The following RANBP10 variants were observed in gnomAD, a reference collection of about 807,000 sequenced individuals.
RANBP10 encodes ran-binding protein 10.
In RANBP10, 24 loss-of-function variants were observed where a neutral mutation model predicts 72.8. The observed-to-expected ratio is 0.33, with a 90% CI of 0.24 to 0.46. The LOEUF (loss-of-function observed/expected upper bound fraction) is 0.46. RANBP10 is among the 20% of genes least tolerant of loss of function. The pLI is 1.00. For missense variants in RANBP10, 679 were observed against 817.5 expected (o/e 0.83, Z 2.07); for synonymous variants, 310 against 322.3 (o/e 0.96, Z 0.41).
chr16:67,768,864 T>C (rs949432563), intron 3 of RANBP10, among the ~76,000 whole-genome samples: 3 of 152,262 alleles, frequency 2.0e-5, no homozygotes, highest in African/African-American at 7.2e-5. Flanking sequence ...ATTACATTTA[T>C]ATTTTTAAAA....
intron 2 of RANBP10, among the ~76,000 whole-genome samples, chr16:67,795,945 C>A (rs1348201008): frequency 5.4e-5 from 8 of 147,580 alleles, no homozygotes; most frequent in Admixed American, 5.4e-4. Flanking sequence ...GAGACAGAGC[C>A]TTACTCTGTT....
At chr16:67,796,795 A>G (rs2055142300) in intron 2 of RANBP10, among the ~76,000 whole-genome samples, 1 of 152,198 alleles carries the variant, frequency 6.6e-6, no homozygotes, top group South Asian at 2.1e-4. Flanking sequence ...TTCCCTATAT[A>G]GTACAGAGCA....
intron 2 of RANBP10, among the ~76,000 whole-genome samples, chr16:67,784,500 T>C (rs1330199711): frequency 2.0e-5 from 3 of 152,042 alleles, no homozygotes; most frequent in African/African-American, 4.8e-5. Context: ...CTACTAAAAA[T>C]ACAAAATTAG....
chr16:67,797,879 A>G (rs1193345074), intron 2 of RANBP10, among the ~76,000 whole-genome samples: 1 of 151,344 alleles, frequency 6.6e-6, no homozygotes, highest in Non-Finnish European at 1.5e-5. Context: ...AGTCCCAGCT[A>G]CTCAAGAGTC....
intron 2 of RANBP10, among the ~76,000 whole-genome samples, chr16:67,773,678 G>A (rs2054647101): frequency 1.3e-5 from 2 of 152,290 alleles, no homozygotes; most frequent in East Asian, 3.9e-4. Context: ...CCCTGATAAC[G>A]TGGCCCACAT....
rs536067675 is a variant in RANBP10 at position 67,764,443 on chromosome 16, A to T, written c.400+7591T>A. Among the ~76,000 whole-genome samples the T allele has an allele frequency of 2.7e-3, 408 of 152,322 alleles. 3 individuals carry two copies. Among genetic ancestry groups the T allele is most frequent in the African/African-American group, 8.9e-3 (371 of 41,572 alleles). The stretch of plus-strand genomic sequence containing the variant: ...TATCTAAAATGGCCATTGTACCGAG[A>T]AGCCAGAACAGAGAAAAAAATAGTA... On this transcript the variant is annotated intron_variant, in intron 3 of 13. Coordinates refer to ENST00000317506, the MANE Select transcript of RANBP10 (RefSeq NM_020850.3).
intron 3 of RANBP10, among the ~76,000 whole-genome samples, chr16:67,756,301 A>G (rs916987994): frequency 6.6e-6 from 1 of 152,230 alleles, no homozygotes; most frequent in African/African-American, 2.4e-5. Flanking sequence ...GCTGAATGGA[A>G]AGATTTCCTC....
intron 2 of RANBP10, among the ~76,000 whole-genome samples, chr16:67,780,040 T>C (rs1375125638): frequency 6.6e-6 from 1 of 152,076 alleles, no homozygotes; most frequent in African/African-American, 2.4e-5. Context: ...CAGACTATCC[T>C]GGCCAACATA....
At chr16:67,795,774 G>C (rs1202512510) in intron 2 of RANBP10, among the ~76,000 whole-genome samples, 5 of 151,148 alleles carry the variant, frequency 3.3e-5, no homozygotes, top group Non-Finnish European at 7.4e-5. Context: ...AGAGTGGCGT[G>C]AACCCGGAAA....
At chr16:67,727,623 G>A in intron 12 of RANBP10, 128 bp downstream of exon 12, 1 of 1,454,842 alleles carries the variant, frequency 6.9e-7, no homozygotes, top group Non-Finnish European at 9.4e-7. Context: ...GGGCCCAGAT[G>A]CCCCACTTCC....
intron 3 of RANBP10, among the ~76,000 whole-genome samples, chr16:67,752,444 C>A (rs914639141): frequency 6.6e-6 from 1 of 152,148 alleles, no homozygotes; most frequent in Admixed American, 6.6e-5. Flanking sequence ...CTGCCAATAT[C>A]TGGATTTTAG....
chr16:67,797,929 G>T (rs2055162300), intron 2 of RANBP10, among the ~76,000 whole-genome samples: 1 of 149,476 alleles, frequency 6.7e-6, no homozygotes, highest in African/African-American at 2.5e-5. Context: ...GGTCGAGGCT[G>T]CAGTGAGCCA....
intron 2 of RANBP10, among the ~76,000 whole-genome samples, chr16:67,794,098 G>A (rs2055081022): frequency 6.6e-6 from 1 of 152,072 alleles, no homozygotes; most frequent in South Asian, 2.1e-4. Flanking sequence ...GTCCAGGCTG[G>A]TCTTGAACCC....
chr16:67,748,134 TTAA>T (rs2054123644), intron 3 of RANBP10, among the ~76,000 whole-genome samples: 1 of 151,940 alleles, frequency 6.6e-6, no homozygotes, highest in South Asian at 2.1e-4. Flanking sequence ...CCTCATTTTC[TTAA>T]TAATGCCTTT....
At position 67,729,404 on chromosome 16, in the gene RANBP10, A is replaced by G; in HGVS notation, c.1228T>C (p.Ser410Pro). The G allele has an allele frequency of 6.2e-7, 1 of 1,609,690 alleles. No homozygotes were observed. The highest frequency in any genetic ancestry group is 8.5e-7 in the Non-Finnish European group (1 of 1,179,182). ...QNHSKYPAPS[S>P]SSSSSSSSSS... ...GAGGAGGAGGAGGACGAGGATGAGGAGCTGGGTGCAGGGTATTTACTGTGG... is the reference window on the plus strand; with the variant it reads ...GAGGAGGAGGAGGACGAGGATGAGGGGCTGGGTGCAGGGTATTTACTGTGG... The change falls in exon 10 of 14, where the codon TCC (serine) becomes CCC (proline). Residue 410 changes from serine (S) to proline (P), a missense_variant. Transcript: ENST00000317506. The surrounding 1 kb of genome is among the most constrained non-coding windows in gnomAD (Gnocchi z 7.1).
Position 67,750,512 on chromosome 16 carries a change from G to A in RANBP10, c.401-6057C>T, listed in dbSNP as rs572905082. 3.3e-5 allele frequency among the ~76,000 whole-genome samples: 5 copies of A among 152,234 alleles called. No individual in the cohort carries two copies. The South Asian group carries it at 1.0e-3, about 32-fold the overall frequency. ...TCCATGCCCCCTCCCCCAAGATCAT[G>A]AGCTCCTTGGTACAGGGGCCAAATG... On this transcript the variant is annotated intron_variant, in intron 3 of 13. Coordinates refer to ENST00000317506, the MANE Select transcript of RANBP10 (RefSeq NM_020850.3).
chr16:67,757,521 G>A (rs556959071), intron 3 of RANBP10, among the ~76,000 whole-genome samples: 1 of 152,248 alleles, frequency 6.6e-6, no homozygotes, highest in African/African-American at 2.4e-5. Context: ...CCGTGTCCAG[G>A]TACATTGCGG....
intron 3 of RANBP10, among the ~76,000 whole-genome samples, chr16:67,764,102 A>G (rs16957524): frequency 0.14 from 21,758 of 152,176 alleles, 3,170 homozygotes; most frequent in African/African-American, 0.38. Context: ...CTCTATATTC[A>G]AGAAACACTT....
At chr16:67,751,695 C>G (rs1334835757) in intron 3 of RANBP10, among the ~76,000 whole-genome samples, 1 of 152,036 alleles carries the variant, frequency 6.6e-6, no homozygotes, top group Non-Finnish European at 1.5e-5. Context: ...ATGGGCAGAC[C>G]ACCTGAGGTC....
Sources: allele counts gnomAD v4.1 joint callset (sites outside exome capture counted in the v4.1 genomes callset), GRCh38; gene constraint gnomAD v4.1.1; non-coding constraint Gnocchi (gnomAD v3.1); transcripts MANE v1.5; gene names NCBI Gene and HGNC (gene_info 2026-07-23, HGNC 2026-07-21).